Variants in CDK15 observed in about 807,000 individuals in gnomAD.
CDK15 encodes the protein cyclin dependent kinase 15.
Under a neutral mutation model 60.3 loss-of-function variants are expected in CDK15, and 62 were observed. The observed-to-expected ratio is 1.03, with a 90% CI of 0.84 to 1.27. The LOEUF (loss-of-function observed/expected upper bound fraction) is 1.27. CDK15 is among the 50% of genes most tolerant of loss of function. CDK15 has a pLI of 0.00. For synonymous variants in CDK15, 194 were observed against 195.7 expected, an observed-to-expected ratio of 0.99 and a Z score of 0.07; for missense variants, 541 against 527.8, an observed-to-expected ratio of 1.03 and a Z score of -0.25.
chr2:201,822,347 A>T (rs1267105897), intron 4 of CDK15, among the ~76,000 whole-genome samples: 1 of 152,052 alleles, frequency 6.6e-6, no homozygotes, highest in Non-Finnish European at 1.5e-5. Context: ...AATCATATCC[A>T]CCGGCCCTAT....
chr2:201,842,154 T>C (rs1420375876), intron 8 of CDK15, among the ~76,000 whole-genome samples: 1 of 152,154 alleles, frequency 6.6e-6, no homozygotes, highest in African/African-American at 2.4e-5. Context: ...CATTACCCCC[T>C]CTCCTCAGTC....
chr2:201,851,895 G>T (rs980850917), intron 9 of CDK15, among the ~76,000 whole-genome samples: 1 of 152,070 alleles, frequency 6.6e-6, no homozygotes, highest in Non-Finnish European at 1.5e-5. Context: ...TCGACTTCTG[G>T]TGATCCACCT....
chr2:201,850,948 A>T (rs1697880632), intron 9 of CDK15, among the ~76,000 whole-genome samples: 1 of 152,130 alleles, frequency 6.6e-6, no homozygotes, highest in South Asian at 2.1e-4. Flanking sequence ...TGAGGTTCTT[A>T]GTCCATTCCT....
intron 11 of CDK15, 79 bp downstream of exon 11, chr2:201,872,405 C>T (rs1018176515): frequency 6.8e-7 from 1 of 1,473,406 alleles, no homozygotes; most frequent in Non-Finnish European, 9.5e-7. Flanking sequence ...TCTCAGTCCA[C>T]TGAACAGCAG....
At chr2:201,818,667 T>C (rs1696090941) in intron 4 of CDK15, among the ~76,000 whole-genome samples, 2 of 152,246 alleles carry the variant, frequency 1.3e-5, no homozygotes, top group Admixed American at 1.3e-4. Context: ...CTCTTTCATC[T>C]GAATTCCCTA....
intron 3 of CDK15, among the ~76,000 whole-genome samples, chr2:201,811,482 A>T (rs1168741049): frequency 2.0e-5 from 3 of 152,206 alleles, no homozygotes. Flanking sequence ...TAAATATCGG[A>T]TTGTACAAGA....
chr2:201,860,673 T>A lies in CDK15; in HGVS notation c.1009+5736T>A, dbSNP rs1005206362. The stretch of plus-strand genomic sequence containing the variant: ...GCAGGGACCAGAATCAGATGTACCA[T>A]AAGCGACAGGCCAAGGGATGCCCAG... On this transcript the variant is annotated intron_variant, in intron 10 of 13. Transcript: ENST00000652192. 10 of 1,347,062 alleles carry A rather than the reference T, an allele frequency of 7.4e-6. No homozygotes were observed. The African/African-American group carries it at 1.0e-4, about 14-fold the overall frequency. The allele number at this position is 1,347,062 out of a possible 1,614,324, so 83.4% of individuals were successfully genotyped here.
chr2:201,812,984 T>C (rs1350740222), intron 4 of CDK15, among the ~76,000 whole-genome samples: 1 of 152,198 alleles, frequency 6.6e-6, no homozygotes, highest in East Asian at 1.9e-4. Flanking sequence ...GCATGTTTAG[T>C]GTTCTGCCTG....
chr2:201,871,879 C>T (rs1383689791), intron 10 of CDK15, among the ~76,000 whole-genome samples: 2 of 151,958 alleles, frequency 1.3e-5, no homozygotes, highest in Non-Finnish European at 2.9e-5. Context: ...AGTCTCTTCG[C>T]CTCACCTTCT....
chr2:201,813,997 G>A (rs1373646393), intron 4 of CDK15, among the ~76,000 whole-genome samples: 3 of 152,234 alleles, frequency 2.0e-5, no homozygotes, highest in Non-Finnish European at 4.4e-5. Flanking sequence ...GGAAAGAGAT[G>A]TATGGATAGG....
intron 10 of CDK15, chr2:201,861,258 C>T: frequency 1.0e-6 from 1 of 1,004,758 alleles, no homozygotes; most frequent in Non-Finnish European, 1.2e-6. Context: ...AGAACATACA[C>T]AATTGCTAAT....
chr2:201,851,291 CAAAAAAAA>C (rs1176883047), intron 9 of CDK15, among the ~76,000 whole-genome samples: 3 of 27,768 alleles, frequency 1.1e-4, no homozygotes, highest in East Asian at 1.4e-3. Flanking sequence ...GACTTCATCT[CAAAAAAAA>C]AAAAAAAAAA....
intron 3 of CDK15, 53 bp from the exon 4 acceptor site, chr2:201,812,430 T>C (rs532018662): frequency 1.7e-6 from 2 of 1,162,934 alleles, no homozygotes; most frequent in African/African-American, 3.0e-5. Flanking sequence ...TGGTATAAAT[T>C]GCTGCTTTGA....
chr2:201,860,594 C>T (rs1698347665), intron 10 of CDK15: 2 of 807,870 alleles, frequency 2.5e-6, no homozygotes, highest in South Asian at 3.5e-5. Context: ...GAAGTTTTTC[C>T]ACTAGAAGAA....
At chr2:201,834,428 A>G (rs999265435) in intron 7 of CDK15, among the ~76,000 whole-genome samples, 1 of 152,218 alleles carries the variant, frequency 6.6e-6, no homozygotes, top group African/African-American at 2.4e-5. Context: ...TAAGTGTGAG[A>G]TGCAAAGTTT....
intron 11 of CDK15, among the ~76,000 whole-genome samples, chr2:201,873,920 G>A (rs1698963428): frequency 6.6e-6 from 1 of 152,198 alleles, no homozygotes; most frequent in Non-Finnish European, 1.5e-5. Flanking sequence ...CGAGCGTGGT[G>A]GCATGTGCCT....
intron 6 of CDK15, among the ~76,000 whole-genome samples, chr2:201,830,735 A>G (rs1003828776): frequency 9.2e-5 from 14 of 152,188 alleles, no homozygotes; most frequent in African/African-American, 3.4e-4. Context: ...AAAGAAGAGT[A>G]ATGGAAGATG....
chr2:201,827,658 G>T (rs1481885009), intron 6 of CDK15, among the ~76,000 whole-genome samples: 1 of 152,170 alleles, frequency 6.6e-6, no homozygotes, highest in East Asian at 1.9e-4. Flanking sequence ...CCAGGCTAGA[G>T]TGCAATGGTG....
intron 4 of CDK15, among the ~76,000 whole-genome samples, chr2:201,813,301 C>G (rs927279632): frequency 6.6e-6 from 1 of 152,070 alleles, no homozygotes; most frequent in African/African-American, 2.4e-5. Flanking sequence ...TATTTACCAT[C>G]AAGATAACTA....
Sources: allele counts gnomAD v4.1 joint callset (sites outside exome capture counted in the v4.1 genomes callset), GRCh38; gene constraint gnomAD v4.1.1; transcripts MANE v1.5; gene names NCBI Gene and HGNC (gene_info 2026-07-23, HGNC 2026-07-21).